The following ZNF385D variants were observed in gnomAD, a reference collection of about 807,000 sequenced individuals.
The protein encoded by ZNF385D is zinc finger protein 385D.
A neutral mutation model predicts 35.8 loss-of-function variants in ZNF385D; 15 were observed. That is an observed-to-expected ratio of 0.42 (90% CI 0.28 to 0.64). The LOEUF (loss-of-function observed/expected upper bound fraction) is 0.64, where lower values mean the gene tolerates loss of function less well. Among genes scored for constraint, ZNF385D ranks in the 30% least tolerant of loss-of-function variants. The pLI is 0.23. For missense variants in ZNF385D, 474 were observed against 494.6 expected (o/e 0.96, Z 0.39); for synonymous variants, 212 against 186.8 (o/e 1.13, Z -1.10).
chr3:21,424,794 T>A (rs552210052), intron 6 of ZNF385D, among the ~76,000 whole-genome samples: 93 of 151,622 alleles, frequency 6.1e-4, no homozygotes, highest in African/African-American at 2.1e-3. Flanking sequence ...TTTATTTCCA[T>A]ACTAATGTTT....
At chr3:22,240,455 A>G (rs1384391819) in intron 2 of ZNF385D, among the ~76,000 whole-genome samples, 2 of 150,874 alleles carry the variant, frequency 1.3e-5, no homozygotes, top group Non-Finnish European at 1.5e-5. Flanking sequence ...AGCCTACATC[A>G]TGTTTAGTTG....
chr3:21,893,555 T>C (rs1030788650), intron 3 of ZNF385D, among the ~76,000 whole-genome samples: 1 of 152,168 alleles, frequency 6.6e-6, no homozygotes. Flanking sequence ...AAGCACTTTA[T>C]TGTGTCCTTA....
intron 2 of ZNF385D, among the ~76,000 whole-genome samples, chr3:22,255,878 A>T (rs1037668829): frequency 6.6e-6 from 1 of 151,764 alleles, no homozygotes; most frequent in African/African-American, 2.4e-5. Flanking sequence ...TGAAGGATAC[A>T]AAGTATTGAT....
intron 3 of ZNF385D, among the ~76,000 whole-genome samples, chr3:21,795,519 C>T (rs529079966): frequency 2.0e-5 from 3 of 152,290 alleles, no homozygotes; most frequent in Non-Finnish European, 4.4e-5. Context: ...TTTTATGTCA[C>T]CCGGGGAGAA....
intron 2 of ZNF385D, among the ~76,000 whole-genome samples, chr3:22,309,291 A>ATTGG (rs1703404480): frequency 6.6e-6 from 1 of 151,300 alleles, no homozygotes. Flanking sequence ...ACTTGTAATT[A>ATTGG]TTTATCTCTG....
rs1462302416 is a variant in ZNF385D, at chr3:21,867,652, C to T, written c.326-202624G>A. Among the ~76,000 whole-genome samples, 3 of 151,996 alleles carry T rather than the reference C, an allele frequency of 2.0e-5. No individual in the cohort carries two copies. The East Asian group carries it at 5.8e-4, about 29-fold the overall frequency. On this transcript the variant is annotated intron_variant, in intron 3 of 5. Transcript: ENST00000494108. ...CCTGGGAATACATACATTTTGATGA[C>T]TACTTTTAAATGATTTGCCATTTTA... is the stretch of plus-strand genomic sequence containing the variant.
intron 2 of ZNF385D, among the ~76,000 whole-genome samples, chr3:22,203,866 G>A (rs746856163): frequency 2.6e-5 from 4 of 152,120 alleles, no homozygotes; most frequent in Non-Finnish European, 5.9e-5. Context: ...TTCAAACCAT[G>A]GCTTCTGGAT....
At chr3:21,991,532 G>C (rs1332614775) in intron 3 of ZNF385D, among the ~76,000 whole-genome samples, 1 of 152,156 alleles carries the variant, frequency 6.6e-6, no homozygotes, top group Non-Finnish European at 1.5e-5. Flanking sequence ...TTAATATTTT[G>C]TGTTATTCCC....
At chr3:21,497,186 A>G (rs984972308) in intron 4 of ZNF385D, among the ~76,000 whole-genome samples, 1 of 152,166 alleles carries the variant, frequency 6.6e-6, no homozygotes, top group African/African-American at 2.4e-5. Context: ...AGATCTAACA[A>G]CAACTTCAGC....
At chr3:21,489,165 G>C (rs1447916987) in intron 4 of ZNF385D, among the ~76,000 whole-genome samples, 1 of 152,030 alleles carries the variant, frequency 6.6e-6, no homozygotes. Context: ...CTAAGTAGAG[G>C]GAATGATTCC....
chr3:22,009,898 C>T (rs946393492), intron 3 of ZNF385D, among the ~76,000 whole-genome samples: 1 of 148,326 alleles, frequency 6.7e-6, no homozygotes, highest in African/African-American at 2.5e-5. Context: ...CATAAAAATA[C>T]AAAATTTTTA....
chr3:22,166,269 C>T (rs747677495), intron 3 of ZNF385D, among the ~76,000 whole-genome samples: 1 of 139,738 alleles, frequency 7.2e-6, no homozygotes, highest in African/African-American at 2.5e-5. Flanking sequence ...GGGAAAAAAT[C>T]TGAATAGGAA....
At chr3:22,328,039 T>C (rs973677346) in intron 2 of ZNF385D, among the ~76,000 whole-genome samples, 2 of 152,234 alleles carry the variant, frequency 1.3e-5, no homozygotes, top group African/African-American at 4.8e-5. Flanking sequence ...TATTTGTTTT[T>C]CATTACCTAA....
rs1282630309 is a variant in ZNF385D at position 21,415,115 on chromosome 3, C to T, written c.*6099G>A. 1.3e-5 allele frequency: 2 copies of T among 152,092 alleles called. No homozygotes were observed. Among genetic ancestry groups the T allele is most frequent in the Non-Finnish European group, 2.9e-5 (2 of 68,000 alleles). 9.4% of individuals were successfully genotyped at this position (152,092 alleles called of 1,614,324 possible). A position where few individuals can be genotyped will look rare whatever the true frequency, so the allele number is the denominator to read the frequency against. On this transcript the variant is annotated 3_prime_UTR_variant, in exon 8 of 8. Coordinates refer to ENST00000281523, the MANE Select transcript of ZNF385D (RefSeq NM_024697.3). The stretch of plus-strand genomic sequence containing the variant: ...CTATAGCTTTAAAACTCTCTGACAT[C>T]ATTGTTTCTCAATAGATTTATGTTG...
At chr3:21,788,279 G>A (rs554612568) in intron 3 of ZNF385D, among the ~76,000 whole-genome samples, 154 of 152,360 alleles carry the variant, frequency 1.0e-3, no homozygotes, top group African/African-American at 3.3e-3. Context: ...AGGAGTTGGA[G>A]ACCAGCCTGG....
chr3:22,286,739 T>C (rs755995956), intron 2 of ZNF385D, among the ~76,000 whole-genome samples: 3 of 152,142 alleles, frequency 2.0e-5, no homozygotes, highest in African/African-American at 4.8e-5. Context: ...TGTTGCATTT[T>C]GGTCAAAAAA....
intron 3 of ZNF385D, among the ~76,000 whole-genome samples, chr3:22,028,030 G>T (rs1435321229): frequency 1.3e-5 from 2 of 152,164 alleles, no homozygotes; most frequent in Non-Finnish European, 2.9e-5. Flanking sequence ...TGCTCACTCT[G>T]CATGTAAGGA....
At chr3:22,260,477 C>G (rs1306963192) in intron 2 of ZNF385D, among the ~76,000 whole-genome samples, 1 of 151,794 alleles carries the variant, frequency 6.6e-6, no homozygotes, top group East Asian at 1.9e-4. Context: ...AACAAATCTG[C>G]ACATTCTGCA....
intron 3 of ZNF385D, among the ~76,000 whole-genome samples, chr3:21,855,976 C>T (rs1445069682): frequency 6.6e-6 from 1 of 151,980 alleles, no homozygotes; most frequent in Non-Finnish European, 1.5e-5. Flanking sequence ...AATCACTTAT[C>T]TATCCTCTAA....
Sources: allele counts gnomAD v4.1 joint callset (sites outside exome capture counted in the v4.1 genomes callset), GRCh38; gene constraint gnomAD v4.1.1; transcripts MANE v1.5; gene names NCBI Gene and HGNC (gene_info 2026-07-23, HGNC 2026-07-21).